Variants in SERPINB7 observed in about 807,000 individuals in gnomAD.
SERPINB7 encodes the protein serpin family B member 7.
In SERPINB7, 31 loss-of-function variants were observed where a neutral mutation model predicts 37.4. The observed-to-expected ratio is 0.83, with a 90% CI of 0.62 to 1.12. SERPINB7 has a LOEUF of 1.12. SERPINB7 is among the 50% of genes most tolerant of loss of function. The probability of loss-of-function intolerance (pLI) is 0.00; values close to 1 mark genes in which losing one functional copy is unlikely to be tolerated. For synonymous variants in SERPINB7, 163 were observed against 166.1 expected, an observed-to-expected ratio of 0.98 and a Z score of 0.14; for missense variants, 521 against 455.3, an observed-to-expected ratio of 1.14 and a Z score of -1.31.
At chr18:63,768,594 C>T (rs1660549150) in intron 1 of SERPINB7, among the ~76,000 whole-genome samples, 1 of 152,096 alleles carries the variant, frequency 6.6e-6, no homozygotes, top group South Asian at 2.1e-4. Context: ...ATTTTTGTTA[C>T]ATTTTGCATG....
intron 7 of SERPINB7, among the ~76,000 whole-genome samples, chr18:63,803,550 T>C (rs914228235): frequency 7.9e-5 from 12 of 152,208 alleles, no homozygotes; most frequent in Non-Finnish European, 1.3e-4. Flanking sequence ...GAATTGTTTG[T>C]GGGCAGCGAT....
At chr18:63,799,570 A>G (rs569627634) in intron 6 of SERPINB7, among the ~76,000 whole-genome samples, 1 of 152,272 alleles carries the variant, frequency 6.6e-6, no homozygotes, top group South Asian at 2.1e-4. Context: ...TCTGATATCA[A>G]TGTTAGTTCT....
At chr18:63,780,243 T>C (rs553600831) in intron 1 of SERPINB7, among the ~76,000 whole-genome samples, 2 of 152,314 alleles carry the variant, frequency 1.3e-5, no homozygotes, top group African/African-American at 4.8e-5. Context: ...GGAAATTCTT[T>C]AGGATGGAGA....
intron 1 of SERPINB7, among the ~76,000 whole-genome samples, chr18:63,780,869 G>C (rs1307255044): frequency 6.6e-6 from 1 of 152,166 alleles, no homozygotes; most frequent in Non-Finnish European, 1.5e-5. Context: ...GGGTCCCTCA[G>C]GGACATTCTT....
At chr18:63,793,051 TA>T (rs963027548) in intron 3 of SERPINB7, 109 bp from the exon 4 acceptor site, 8 of 502,680 alleles carry the variant, frequency 1.6e-5, no homozygotes, top group African/African-American at 9.8e-5. Flanking sequence ...TTATAGTATT[TA>T]AAAAAATTCT....
upstream of SERPINB7, among the ~76,000 whole-genome samples, chr18:63,772,001 T>C (rs2144595613): frequency 6.6e-6 from 1 of 152,054 alleles, no homozygotes; most frequent in South Asian, 2.1e-4. Context: ...GGAATACATG[T>C]GCAGGTTTGT....
intron 1 of SERPINB7, 91 bp from the exon 2 acceptor site, chr18:63,782,264 G>A (rs1421497336): frequency 1.2e-6 from 1 of 862,450 alleles, no homozygotes; most frequent in Admixed American, 4.0e-5. Context: ...AAAAAATGAA[G>A]CTTTAAATTA....
intron 1 of SERPINB7, 99 bp from the exon 2 acceptor site, chr18:63,782,256 A>T: frequency 2.4e-6 from 2 of 818,640 alleles, no homozygotes; most frequent in Non-Finnish European, 3.3e-6. Context: ...AGGCTGAAAA[A>T]AAATGAAGCT....
At chr18:63,757,086 T>C (rs2049126904) in intron 1 of SERPINB7, among the ~76,000 whole-genome samples, 1 of 152,122 alleles carries the variant, frequency 6.6e-6, no homozygotes, top group Admixed American at 6.6e-5. Flanking sequence ...TTTTTTCTTG[T>C]AAATTTGTTA....
At chr18:63,765,331 T>C (rs2049175053) in intron 1 of SERPINB7, among the ~76,000 whole-genome samples, 1 of 152,196 alleles carries the variant, frequency 6.6e-6, no homozygotes, top group South Asian at 2.1e-4. Context: ...TAAATTTATC[T>C]GGAGTACATT....
At chr18:63,780,113 A>G (rs951678008) in intron 1 of SERPINB7, among the ~76,000 whole-genome samples, 9 of 152,156 alleles carry the variant, frequency 5.9e-5, no homozygotes, top group African/African-American at 2.2e-4. Flanking sequence ...TCTATTAAAT[A>G]TATTTTTCAC....
chr18:63,773,806 A>G (rs1328686002), upstream of SERPINB7, among the ~76,000 whole-genome samples: 4 of 152,284 alleles, frequency 2.6e-5, no homozygotes, highest in South Asian at 2.1e-4. Context: ...TTGTAAATCA[A>G]CTGTTGCAAA....
intron 1 of SERPINB7, among the ~76,000 whole-genome samples, chr18:63,756,787 C>T (rs1398958107): frequency 2.1e-5 from 3 of 140,024 alleles, no homozygotes; most frequent in Non-Finnish European, 4.6e-5. Context: ...CAGTTGTTTC[C>T]AGGGTCTTGG....
In SERPINB7 at chr18:63,798,735, A is replaced by T; in HGVS notation, c.586A>T (p.Lys196Ter). 17 of 1,612,720 alleles carry T rather than the reference A, an allele frequency of 1.1e-5. No individual in the cohort carries two copies. The highest frequency in any genetic ancestry group is 1.4e-5 in the Non-Finnish European group (16 of 1,179,602). ...GAGCGAAACCATAAATTGCCATTTCAAATCTCCCAAGGTATGTCGTCAATC... is the reference window on the plus strand; with the variant it reads ...GAGCGAAACCATAAATTGCCATTTCTAATCTCCCAAGGTATGTCGTCAATC... ...TKSETINCHF[K>*]SPKCSGKAVA... The change falls in exon 6 of 8, where the codon AAA (lysine) becomes TAA (stop). Residue 196 changes from lysine (K) to a stop codon, truncating the protein, a stop_gained. Transcript: ENST00000398019. LOFTEE classifies it high-confidence loss of function.
rs2049311838 is a variant in SERPINB7 at position 63,782,523 on chromosome 18, C to T, written c.151C>T (p.Leu51Phe). Reference protein sequence around the residue: ...LVRLGAQDDSLSQIDKLLHVN... With the variant: ...LVRLGAQDDSFSQIDKLLHVN... ...CCGCTTGGGCGCTCAAGATGACTCC[C>T]TCTCTCAGATTGATAAGGTCAGTCT... Residue 51 changes from leucine (L) to phenylalanine (F), a missense_variant, in exon 2 of 8, where the codon CTC becomes TTC. Physicochemically the swap from Leu to Phe is conservative, Grantham distance 22 (BLOSUM62 0). Coordinates refer to ENST00000398019, the MANE Select transcript of SERPINB7 (RefSeq NM_003784.4). 1 of 1,612,656 alleles carries T rather than the reference C, an allele frequency of 6.2e-7. No homozygotes were observed. Among genetic ancestry groups the T allele is most frequent in the Non-Finnish European group, 8.5e-7 (1 of 1,179,284 alleles).
chr18:63,786,262 T>G (rs2144620801), intron 2 of SERPINB7, among the ~76,000 whole-genome samples: 1 of 141,438 alleles, frequency 7.1e-6, no homozygotes, highest in South Asian at 2.2e-4. Context: ...ACATTTCCTT[T>G]GAAATGCATT....
intron 2 of SERPINB7, among the ~76,000 whole-genome samples, chr18:63,784,311 G>T (rs2049343212): frequency 6.6e-6 from 1 of 152,048 alleles, no homozygotes. Flanking sequence ...GCATCATTTA[G>T]CAGCATTCCT....
intron 2 of SERPINB7, among the ~76,000 whole-genome samples, chr18:63,788,213 A>G (rs2049392358): frequency 6.6e-6 from 1 of 152,232 alleles, no homozygotes; most frequent in South Asian, 2.1e-4. Flanking sequence ...ATCATAGGAT[A>G]TGATGGTGCC....
intron 5 of SERPINB7, 34 bp from the exon 6 acceptor site, chr18:63,798,565 TTAAAA>T (rs756185819): frequency 2.7e-5 from 40 of 1,482,870 alleles, no homozygotes; most frequent in Non-Finnish European, 9.1e-7. Flanking sequence ...TAAAATTATA[TTAAAA>T]TAAACATTTT....
Sources: gnomAD v4.1 joint callset for allele counts (sites outside exome capture counted in the v4.1 genomes callset) on GRCh38, gnomAD v4.1.1 for gene constraint, MANE v1.5 for transcripts, NCBI Gene and HGNC (gene_info 2026-07-23, HGNC 2026-07-21) for gene names.